Variants in NRG1 observed in about 807,000 individuals in gnomAD.
NRG1 encodes the protein pro-neuregulin-1, membrane-bound isoform.
Under a neutral mutation model 63.8 loss-of-function variants are expected in NRG1, and 18 were observed. The ratio of observed to expected loss-of-function variants is 0.28; its 90% confidence interval spans 0.19 to 0.42. The LOEUF is 0.42. Ranked by LOEUF, NRG1 falls within the 10% of genes least tolerant of loss-of-function variation. NRG1 has a pLI of 1.00. For synonymous variants in NRG1, 302 were observed against 301.3 expected, an observed-to-expected ratio of 1.00 and a Z score of -0.02; for missense variants, 762 against 814.7, an observed-to-expected ratio of 0.94 and a Z score of 0.79.
chr8:32,710,883 C>T (rs1403940810), intron 5 of NRG1, among the ~76,000 whole-genome samples: 2 of 152,092 alleles, frequency 1.3e-5, no homozygotes, highest in Admixed American at 6.6e-5. Context: ...ATAGACAGAG[C>T]GTTTTCCGTG....
At chr8:32,551,949 C>T (rs560639373) in intron 1 of NRG1, among the ~76,000 whole-genome samples, 3 of 138,030 alleles carry the variant, frequency 2.2e-5, no homozygotes, top group Admixed American at 7.8e-5. Flanking sequence ...CTCGCTCTGT[C>T]GCCAGGCTGG....
intron 1 of NRG1, among the ~76,000 whole-genome samples, chr8:31,815,658 G>A (rs997066737): frequency 6.6e-6 from 1 of 152,060 alleles, no homozygotes; most frequent in Admixed American, 6.5e-5. Context: ...AATTTTTGAG[G>A]AATCACCATA....
chr8:31,836,623 G>C (rs1825713860), intron 1 of NRG1, among the ~76,000 whole-genome samples: 1 of 151,560 alleles, frequency 6.6e-6, no homozygotes, highest in African/African-American at 2.4e-5. Context: ...TACACAAAAA[G>C]GGTACTTTAA....
intron 1 of NRG1, among the ~76,000 whole-genome samples, chr8:31,700,241 A>G (rs540413888): frequency 6.6e-6 from 1 of 152,206 alleles, no homozygotes; most frequent in South Asian, 2.1e-4. Flanking sequence ...TCTCTGGGTC[A>G]TATTTTAATT....
chr8:32,642,770 A>G (rs532968961), intron 5 of NRG1, among the ~76,000 whole-genome samples: 107 of 152,340 alleles, frequency 7.0e-4, no homozygotes, highest in African/African-American at 2.6e-3. Flanking sequence ...AAACTTTTTC[A>G]GTGATAATAT....
intron 1 of NRG1, among the ~76,000 whole-genome samples, chr8:31,918,461 A>T (rs1460868735): frequency 6.6e-6 from 1 of 152,180 alleles, no homozygotes; most frequent in Non-Finnish European, 1.5e-5. Flanking sequence ...TGAGATAATC[A>T]TGTGGTATTT....
intron 1 of NRG1, among the ~76,000 whole-genome samples, chr8:31,731,769 T>A (rs1415036723): frequency 1.3e-5 from 2 of 152,198 alleles, no homozygotes; most frequent in Non-Finnish European, 2.9e-5. Context: ...TATATCAATA[T>A]GCAATTGCAA....
At chr8:32,212,571 A>C (rs1586126773) in intron 1 of NRG1, among the ~76,000 whole-genome samples, 1 of 152,272 alleles carries the variant, frequency 6.6e-6, no homozygotes, top group East Asian at 1.9e-4. Context: ...ATTTTCCATG[A>C]GCTTTCATGA....
At chr8:31,692,656 T>A (rs895530748) in intron 1 of NRG1, among the ~76,000 whole-genome samples, 1 of 152,198 alleles carries the variant, frequency 6.6e-6, no homozygotes, top group Non-Finnish European at 1.5e-5. Context: ...GCTGCCTTGA[T>A]ATGGATACAA....
intron 7 of NRG1, among the ~76,000 whole-genome samples, chr8:32,747,965 G>A (rs1310120142): frequency 1.3e-5 from 2 of 151,820 alleles, no homozygotes; most frequent in Admixed American, 1.3e-4. Context: ...TACTCCCCAG[G>A]CATGCCCAGT....
rs957608582 is a variant in NRG1, at chr8:32,742,180, A to C, written c.633-495A>C. 3.2e-6 allele frequency: 3 copies of C among 931,504 alleles called. No homozygotes were observed. Among genetic ancestry groups the C allele is most frequent in the South Asian group, 1.4e-5 (1 of 70,496 alleles). The allele number at this position is 931,504 out of a possible 1,614,324, so 57.7% of individuals were successfully genotyped here. A position where few individuals can be genotyped will look rare whatever the true frequency, so the allele number is the denominator to read the frequency against. On this transcript the variant is annotated intron_variant, in intron 6 of 11. Transcript: ENST00000356819. This position sits in a 1 kb window ranked among gnomAD's most constrained non-coding sequence, Gnocchi z 4.2. ...GTCGTAACTGATTCATTTTGTTCTA[A>C]TTATGGCTTAACCTCTCAAGGCATA...
At chr8:32,756,428 C>G in exon 9 of NRG1, 1 of 1,613,102 alleles carries the variant, frequency 6.2e-7, no homozygotes, top group Non-Finnish European at 8.5e-7. Context: ...GCTGCATGAC[C>G]GTCTTCGGCA....
At chr8:32,192,043 C>G (rs889268508) in intron 1 of NRG1, 3 of 152,312 alleles carry the variant, frequency 2.0e-5, no homozygotes, top group African/African-American at 7.2e-5. Flanking sequence ...CCTGATCACC[C>G]AGGGATCGCT....
chr8:32,435,003 T>G (rs1249424698), intron 1 of NRG1, among the ~76,000 whole-genome samples: 13 of 152,106 alleles, frequency 8.5e-5, no homozygotes. Context: ...CAACATCCCA[T>G]GGATACCTGA....
At chr8:32,145,303 T>G (rs1273187193) in intron 1 of NRG1, among the ~76,000 whole-genome samples, 1 of 152,224 alleles carries the variant, frequency 6.6e-6, no homozygotes, top group African/African-American at 2.4e-5. Context: ...TATTTAGGTG[T>G]AACTTTCTAT....
intron 1 of NRG1, among the ~76,000 whole-genome samples, chr8:32,329,348 T>G (rs1440650556): frequency 6.6e-6 from 1 of 152,184 alleles, no homozygotes; most frequent in Non-Finnish European, 1.5e-5. Context: ...AACTCAAACC[T>G]TAAAGGACAA....
At chr8:32,449,382 G>A (rs1475662853) in intron 1 of NRG1, among the ~76,000 whole-genome samples, 1 of 151,192 alleles carries the variant, frequency 6.6e-6, no homozygotes, top group Non-Finnish European at 1.5e-5. Context: ...AGTACATCAA[G>A]CCTAGTGGGA....
chr8:31,717,089 A>C (rs1255291033), intron 1 of NRG1, among the ~76,000 whole-genome samples: 1 of 152,174 alleles, frequency 6.6e-6, no homozygotes, highest in Non-Finnish European at 1.5e-5. Context: ...GCTTAGAGAA[A>C]ATTAAGTATT....
At chr8:32,667,092 A>G (rs1028429398) in intron 5 of NRG1, among the ~76,000 whole-genome samples, 1 of 152,214 alleles carries the variant, frequency 6.6e-6, no homozygotes. Context: ...CCTTGATGGT[A>G]TAGCCAACTA....
Sources: gnomAD v4.1 joint callset for allele counts (sites outside exome capture counted in the v4.1 genomes callset) on GRCh38, gnomAD v4.1.1 for gene constraint, Gnocchi (gnomAD v3.1) non-coding constraint, MANE v1.5 for transcripts, NCBI Gene and HGNC (gene_info 2026-07-23, HGNC 2026-07-21) for gene names.